Variants in MTUS2 observed in about 807,000 individuals in gnomAD.
The protein encoded by MTUS2 is microtubule-associated tumor suppressor candidate 2.
MTUS2 carries 40 observed loss-of-function variants against 114.1 expected under a neutral mutation model. The observed-to-expected ratio is 0.35, with a 90% confidence interval of 0.27 to 0.46. The LOEUF (loss-of-function observed/expected upper bound fraction) is 0.46, where lower values mean the gene tolerates loss of function less well. Ranked by LOEUF, MTUS2 falls within the 20% of genes least tolerant of loss-of-function variation. The pLI is 1.00. For synonymous variants in MTUS2, 688 were observed against 672.0 expected, an observed-to-expected ratio of 1.02 and a Z score of -0.37; for missense variants, 1,679 against 1,705.4, an observed-to-expected ratio of 0.98 and a Z score of 0.27.
intron 2 of MTUS2, among the ~76,000 whole-genome samples, chr13:28,921,490 G>T (rs185229594): frequency 6.6e-6 from 1 of 152,292 alleles, no homozygotes; most frequent in African/African-American, 2.4e-5. Flanking sequence ...ACTGCCTGGA[G>T]TTGAGGGAGG....
At chr13:29,207,971 C>T (rs1260374268) in intron 5 of MTUS2, among the ~76,000 whole-genome samples, 1 of 152,046 alleles carries the variant, frequency 6.6e-6, no homozygotes, top group African/African-American at 2.4e-5. Flanking sequence ...CCCTCTTTTT[C>T]TGTCTTTTGA....
intron 5 of MTUS2, among the ~76,000 whole-genome samples, chr13:29,194,953 G>A (rs1412182431): frequency 6.7e-6 from 1 of 149,768 alleles, no homozygotes; most frequent in African/African-American, 2.5e-5. Context: ...TAGGGACATG[G>A]ATGAAATTGG....
At chr13:29,153,102 C>G (rs1469723473) in intron 5 of MTUS2, among the ~76,000 whole-genome samples, 1 of 152,164 alleles carries the variant, frequency 6.6e-6, no homozygotes, top group Non-Finnish European at 1.5e-5. Context: ...CAGATGAACT[C>G]CATGATGCCT....
chr13:28,886,278 C>T (rs1246409477), intron 2 of MTUS2, among the ~76,000 whole-genome samples: 1 of 152,084 alleles, frequency 6.6e-6, no homozygotes, highest in Non-Finnish European at 1.5e-5. Context: ...GAAAGGATCA[C>T]TCAAGGGGTT....
At chr13:28,868,312 G>A (rs1305904439) in intron 2 of MTUS2, among the ~76,000 whole-genome samples, 2 of 152,122 alleles carry the variant, frequency 1.3e-5, no homozygotes, top group Admixed American at 1.3e-4. Context: ...TTCTGCAGTG[G>A]TTTAGCTCTC....
chr13:28,829,783 C>T (rs1382147485), intron 1 of MTUS2, among the ~76,000 whole-genome samples: 1 of 152,102 alleles, frequency 6.6e-6, no homozygotes, highest in Non-Finnish European at 1.5e-5. Flanking sequence ...AGAGGTTAAC[C>T]AAAAAACTTA....
At chr13:29,409,724 T>A (rs1875073103) in intron 8 of MTUS2, among the ~76,000 whole-genome samples, 1 of 152,156 alleles carries the variant, frequency 6.6e-6, no homozygotes, top group African/African-American at 2.4e-5. Flanking sequence ...TTATTTTACA[T>A]CCTGCCTTCT....
In MTUS2 at chr13:29,428,658, T is replaced by C. The variant is rs538033011; in HGVS notation, c.3118-11325T>C. ...GATCGCTGCTGCCCTGCTCTCCTCC[T>C]CCTCTCATTCCTCTGCCTCCTGGAT... On this transcript the variant is annotated intron_variant, in intron 8 of 15. Transcript: ENST00000612955. 1,276 of 1,094,030 alleles carry C rather than the reference T, an allele frequency of 1.2e-3. 2 individuals are homozygous for C. The highest frequency in any genetic ancestry group is 1.2e-3 in the Non-Finnish European group (1,062 of 893,890). The allele number at this position is 1,094,030 out of a possible 1,614,324, so 67.8% of individuals were successfully genotyped here. A position where few individuals can be genotyped will look rare whatever the true frequency, so the allele number is the denominator to read the frequency against.
chr13:29,020,444 C>T (rs1167350694), intron 2 of MTUS2, among the ~76,000 whole-genome samples: 1 of 152,066 alleles, frequency 6.6e-6, no homozygotes, highest in African/African-American at 2.4e-5. Flanking sequence ...TAGATCCGGA[C>T]AGAAATTCGT....
chr13:29,414,363 C>A (rs1262466890), intron 8 of MTUS2, among the ~76,000 whole-genome samples: 2 of 110,100 alleles, frequency 1.8e-5, no homozygotes, highest in Non-Finnish European at 3.6e-5. Context: ...CTAGATGACA[C>A]GTTAGTGGGT....
intron 5 of MTUS2, among the ~76,000 whole-genome samples, chr13:29,278,022 T>A (rs2139527224): frequency 6.6e-6 from 1 of 152,308 alleles, no homozygotes. Context: ...CATGTTTGAA[T>A]GGAAACTTGG....
At chr13:29,455,640 A>G (rs987407245) in intron 9 of MTUS2, among the ~76,000 whole-genome samples, 1 of 152,292 alleles carries the variant, frequency 6.6e-6, no homozygotes, top group African/African-American at 2.4e-5. Context: ...AAAAATAGAC[A>G]TACAAAGAAG....
intron 5 of MTUS2, among the ~76,000 whole-genome samples, chr13:29,186,869 A>T (rs2139179228): frequency 6.6e-6 from 1 of 152,306 alleles, no homozygotes; most frequent in Admixed American, 6.5e-5. Context: ...AAAATGTTAG[A>T]TTATAAAGTC....
intron 5 of MTUS2, among the ~76,000 whole-genome samples, chr13:29,105,283 A>G (rs1446914216): frequency 6.6e-6 from 1 of 152,252 alleles, no homozygotes; most frequent in African/African-American, 2.4e-5. Context: ...GGGTAGGCAG[A>G]TGCGACTTAA....
chr13:29,302,202 C>T (rs9551641), intron 6 of MTUS2, among the ~76,000 whole-genome samples: 11,985 of 152,224 alleles, frequency 0.079, 795 homozygotes, highest in East Asian at 0.36. Flanking sequence ...CAACACAAAC[C>T]AGAGAATGAA....
intron 2 of MTUS2, among the ~76,000 whole-genome samples, chr13:28,923,139 A>AC (rs1320696195): frequency 2.0e-5 from 3 of 152,304 alleles, no homozygotes; most frequent in Non-Finnish European, 4.4e-5. Context: ...CCCCGAATTA[A>AC]AACAAATTCT....
chr13:29,117,631 G>C lies in MTUS2; in HGVS notation c.2644+16661G>C, dbSNP rs1029929605. ...GCACAAATAAGTGGGACAGGAAAGC[G>C]GCCACCCAAGGATCTCCCACCATAG... On this transcript the variant is annotated intron_variant, in intron 5 of 15. Coordinates refer to ENST00000612955, the MANE Select transcript of MTUS2 (RefSeq NM_001033602.4). 2.0e-5 allele frequency among the ~76,000 whole-genome samples: 3 copies of C among 152,248 alleles called. No individual in the cohort carries two copies. In the East Asian group the frequency reaches 5.8e-4, roughly 29 times the overall value.
chr13:29,415,455 G>A (rs1447145545), intron 8 of MTUS2, among the ~76,000 whole-genome samples: 3 of 152,262 alleles, frequency 2.0e-5, no homozygotes, highest in Non-Finnish European at 4.4e-5. Flanking sequence ...ATTAAAAGGT[G>A]CTAATTTTTG....
Position 29,480,169 on chromosome 13 carries a change from C to G in MTUS2, c.3204C>G (p.Cys1068Trp). The stretch of plus-strand genomic sequence containing the variant: ...GCCCAGCCTTCCATACAGCAAAGTG[C>G]GAGAAACTACAAAAGGAGAAGGAGG... ...RDEVAFHTAK[C>W]EKLQKEKEEL... is the part of the protein sequence containing the mutation. The change falls in exon 10 of 16, where the codon TGC (cysteine) becomes TGG (tryptophan). Residue 1068 changes from cysteine (C) to tryptophan (W), a missense_variant. Coordinates refer to ENST00000612955, the MANE Select transcript of MTUS2 (RefSeq NM_001033602.4). This position sits in a 1 kb window ranked among gnomAD's most constrained non-coding sequence, Gnocchi z 4.4. 2 of 1,554,488 alleles carry G rather than the reference C, an allele frequency of 1.3e-6. No individual in the cohort carries two copies. Among genetic ancestry groups the G allele is most frequent in the Middle Eastern group, 1.7e-4 (1 of 6,002 alleles).
Sources: allele counts gnomAD v4.1 joint callset (sites outside exome capture counted in the v4.1 genomes callset), GRCh38; gene constraint gnomAD v4.1.1; non-coding constraint Gnocchi (gnomAD v3.1); transcripts MANE v1.5; gene names NCBI Gene and HGNC (gene_info 2026-07-23, HGNC 2026-07-21).